The following DMD variants were observed in gnomAD, a reference collection of about 807,000 sequenced individuals.
DMD encodes the protein dystrophin.
Under a neutral mutation model 330.1 loss-of-function variants are expected in DMD, and 63 were observed. The observed-to-expected ratio is 0.19, with a 90% CI of 0.16 to 0.24. The LOEUF is 0.24. Ranked by LOEUF, DMD falls within the 10% of genes least tolerant of loss-of-function variation. The pLI is 1.00. For synonymous variants in DMD, 1,223 were observed against 959.8 expected, an observed-to-expected ratio of 1.27 and a Z score of -5.07; for missense variants, 3,344 against 2,684.1, an observed-to-expected ratio of 1.25 and a Z score of -5.43.
intron 7 of DMD, among the ~76,000 whole-genome samples, chrX:32,703,991 T>C (rs978182184): frequency 9.0e-6 from 1 of 111,711 alleles, no homozygotes; most frequent in Non-Finnish European, 1.9e-5. Flanking sequence ...GCTTATCCAA[T>C]CTTTGAAGCC....
At position 31,535,504 on chromosome X, in the gene DMD, T is replaced by C. The variant is rs768407185; in HGVS notation, c.8218-28051A>G. On this transcript the variant is annotated intron_variant, in intron 55 of 78. Transcript: ENST00000357033. ...AAATCAATTCAAGATGGATTAAAGA[T>C]TTAAACGTTAGACCTAAAACCATAA... Among the ~76,000 whole-genome samples, 246 of 86,724 alleles carry C rather than the reference T, an allele frequency of 2.8e-3. 2 individuals are homozygous for C. Among genetic ancestry groups the C allele is most frequent in the Non-Finnish European group, 4.3e-3 (193 of 44,368 alleles). 75.3% of individuals were successfully genotyped at this position (86,724 alleles called of 115,157 possible).
chrX:32,839,926 G>A (rs1318724995), intron 4 of DMD, among the ~76,000 whole-genome samples: 1 of 111,112 alleles, frequency 9.0e-6, no homozygotes, highest in Non-Finnish European at 1.9e-5. Context: ...GGCCAGGATG[G>A]TCTCAATTTC....
intron 44 of DMD, among the ~76,000 whole-genome samples, chrX:32,170,445 C>T (rs189912102): frequency 1.9e-5 from 2 of 108,020 alleles, no homozygotes; most frequent in Non-Finnish European, 3.8e-5. Context: ...GTACTCCAAC[C>T]CGGGCAACAG....
intron 7 of DMD, among the ~76,000 whole-genome samples, chrX:32,800,437 C>CA (rs2076469915): frequency 9.0e-6 from 1 of 111,268 alleles, no homozygotes; most frequent in Non-Finnish European, 1.9e-5. Flanking sequence ...AAATGCTGAG[C>CA]AAAAATGTAT....
chrX:31,902,990 C>T (rs1053575136), intron 47 of DMD, among the ~76,000 whole-genome samples: 8 of 111,301 alleles, frequency 7.2e-5, no homozygotes, highest in Middle Eastern at 4.6e-3. Flanking sequence ...TTCACAGAGA[C>T]AATTGTCCCT....
chrX:32,210,785 G>A (rs752952679), intron 44 of DMD, among the ~76,000 whole-genome samples: 164 of 111,319 alleles, frequency 1.5e-3, no homozygotes, highest in Non-Finnish European at 2.3e-3. Context: ...ACCTTTCAAC[G>A]GCAGTACCTG....
chrX:31,907,848 A>G (rs2094496369), intron 47 of DMD, among the ~76,000 whole-genome samples: 1 of 112,689 alleles, frequency 8.9e-6, no homozygotes, highest in African/African-American at 3.2e-5. Context: ...GAGAATCTAC[A>G]AAGAACTTAA....
In DMD at chrX:32,728,088, T is replaced by C. The variant is rs373113674; in HGVS notation, c.650-28795A>G. Among the ~76,000 whole-genome samples, 4 of 111,594 alleles carry C rather than the reference T, an allele frequency of 3.6e-5. No homozygotes were observed. The East Asian group carries it at 8.5e-4, about 24-fold the overall frequency. ...AGGCAGGGATTGTTACTGAAGCTGATAAATGTTTACTCTTCATTGGAGACT... is the reference window on the plus strand; with the variant it reads ...AGGCAGGGATTGTTACTGAAGCTGACAAATGTTTACTCTTCATTGGAGACT... On this transcript the variant is annotated intron_variant, in intron 7 of 78. Transcript: ENST00000357033.
intron 7 of DMD, among the ~76,000 whole-genome samples, chrX:32,707,228 T>C: frequency 8.9e-6 from 1 of 112,515 alleles, no homozygotes; most frequent in Non-Finnish European, 1.9e-5. Flanking sequence ...ATCCCAGAGA[T>C]ATGTTCTCAT....
intron 41 of DMD, among the ~76,000 whole-genome samples, chrX:32,328,235 A>G (rs1056893157): frequency 1.8e-5 from 2 of 111,932 alleles, no homozygotes; most frequent in Non-Finnish European, 3.8e-5. Flanking sequence ...TGGATTCCAA[A>G]TATCATCAGG....
intron 54 of DMD, among the ~76,000 whole-genome samples, chrX:31,645,437 G>C (rs2080029578): frequency 8.9e-6 from 1 of 112,287 alleles, no homozygotes; most frequent in Admixed American, 9.4e-5. Flanking sequence ...TATGAGGTAA[G>C]AATAACAGCC....
chrX:32,288,594 A>G (rs2148463368), intron 42 of DMD, among the ~76,000 whole-genome samples: 1 of 111,906 alleles, frequency 8.9e-6, no homozygotes, highest in East Asian at 2.8e-4. Context: ...TTAAAACATA[A>G]TTGGGATCAT....
intron 12 of DMD, among the ~76,000 whole-genome samples, chrX:32,596,504 C>T (rs1397078000): frequency 9.2e-6 from 1 of 109,015 alleles, no homozygotes; most frequent in Non-Finnish European, 1.9e-5. Context: ...TTCTTGACAC[C>T]TTCTCTTGAT....
At chrX:32,851,037 A>C (rs780160893) in intron 2 of DMD, among the ~76,000 whole-genome samples, 3 of 111,850 alleles carry the variant, frequency 2.7e-5, no homozygotes, top group Non-Finnish European at 5.6e-5. Context: ...CTTTCCAAAA[A>C]ACGTCAGGTG....
intron 54 of DMD, among the ~76,000 whole-genome samples, chrX:31,656,803 T>C (rs1426509260): frequency 1.8e-5 from 2 of 111,663 alleles, no homozygotes; most frequent in Admixed American, 9.5e-5. Flanking sequence ...CAGGGTCTTT[T>C]TCATAGGGCT....
intron 1 of DMD, among the ~76,000 whole-genome samples, chrX:33,222,975 T>G (rs1372586704): frequency 8.9e-6 from 1 of 111,955 alleles, no homozygotes; most frequent in Non-Finnish European, 1.9e-5. Flanking sequence ...AAAGAGATTC[T>G]AAAAATGATA....
intron 57 of DMD, among the ~76,000 whole-genome samples, chrX:31,482,900 T>A (rs1285371871): frequency 9.0e-6 from 1 of 110,640 alleles, no homozygotes; most frequent in Non-Finnish European, 1.9e-5. Context: ...AGACTTTCGA[T>A]GTTAAAACCA....
Position 31,176,549 on chromosome X carries a change from C to T in DMD, c.10262+1383G>A, listed in dbSNP as rs758265073. 1.5e-4 allele frequency among the ~76,000 whole-genome samples: 17 copies of T among 111,384 alleles called. No individual in the cohort carries two copies. The South Asian group carries it at 4.8e-3, about 32-fold the overall frequency. On this transcript the variant is annotated intron_variant, in intron 71 of 78. Coordinates refer to ENST00000357033, the MANE Select transcript of DMD (RefSeq NM_004006.3). The stretch of plus-strand genomic sequence containing the variant: ...ATATTTGTCGTTTGGATTTCTTACT[C>T]GGTTAAACTTATTTCCACATAGAGT...
At chrX:31,830,509 G>T (rs1249575245) in intron 49 of DMD, among the ~76,000 whole-genome samples, 1 of 111,960 alleles carries the variant, frequency 8.9e-6, no homozygotes, top group African/African-American at 3.2e-5. Flanking sequence ...CAGGAGAATC[G>T]CTTGAACCTG....
Sources: gnomAD v4.1 joint callset for allele counts (sites outside exome capture counted in the v4.1 genomes callset) on GRCh38, gnomAD v4.1.1 for gene constraint, MANE v1.5 for transcripts, NCBI Gene and HGNC (gene_info 2026-07-23, HGNC 2026-07-21) for gene names.